Variants in ATP8A2 observed in about 807,000 individuals in gnomAD.
The protein encoded by ATP8A2 is ATPase phospholipid transporting 8A2.
ATP8A2 carries 100 observed loss-of-function variants against 165.6 expected under a neutral mutation model. The observed-to-expected ratio is 0.60, with a 90% CI of 0.51 to 0.71. The LOEUF (loss-of-function observed/expected upper bound fraction) is 0.71, where lower values mean the gene tolerates loss of function less well. ATP8A2 is among the 30% of genes least tolerant of loss of function. The pLI is 0.00. For missense variants in ATP8A2, 1,227 were observed against 1,479.5 expected, an observed-to-expected ratio of 0.83 and a Z score of 2.80; for synonymous variants, 543 against 548.8, an observed-to-expected ratio of 0.99 and a Z score of 0.15.
chr13:25,425,833 C>T (rs2034435776), intron 1 of ATP8A2, among the ~76,000 whole-genome samples: 1 of 152,248 alleles, frequency 6.6e-6, no homozygotes, highest in Non-Finnish European at 1.5e-5. Context: ...GCCTCCGCCT[C>T]CCAGAGTGCT....
chr13:25,567,891 G>T (rs1238554531), intron 16 of ATP8A2, among the ~76,000 whole-genome samples: 1 of 152,134 alleles, frequency 6.6e-6, no homozygotes, highest in Non-Finnish European at 1.5e-5. Context: ...TAAACACAGG[G>T]CCTATTAGAT....
chr13:25,940,284 C>T (rs79716536), intron 33 of ATP8A2, among the ~76,000 whole-genome samples: 1 of 152,164 alleles, frequency 6.6e-6, no homozygotes, highest in Non-Finnish European at 1.5e-5. Context: ...TCCCAGAGTC[C>T]TCTGCTGATG....
chr13:25,702,991 G>A (rs1478515032), intron 25 of ATP8A2, among the ~76,000 whole-genome samples: 2 of 152,216 alleles, frequency 1.3e-5, no homozygotes, highest in South Asian at 2.1e-4. Flanking sequence ...TCCATTTAAT[G>A]TGTCGGATGG....
chr13:25,424,760 C>T (rs140747425), intron 1 of ATP8A2, among the ~76,000 whole-genome samples: 54 of 152,222 alleles, frequency 3.5e-4, no homozygotes, highest in African/African-American at 1.2e-3. Flanking sequence ...GAGTTCAAGA[C>T]CAGCCTGGCC....
intron 1 of ATP8A2, among the ~76,000 whole-genome samples, chr13:25,401,680 C>T (rs2033641120): frequency 6.6e-6 from 1 of 151,920 alleles, no homozygotes; most frequent in African/African-American, 2.4e-5. Flanking sequence ...TCCAAGACAC[C>T]CAGTAGGTAC....
chr13:25,782,186 T>C (rs55830959), intron 27 of ATP8A2, among the ~76,000 whole-genome samples: 2,061 of 152,354 alleles, frequency 0.014, 40 homozygotes, highest in African/African-American at 0.045. Context: ...TCCTAATAGC[T>C]AAGCTTTCCT....
intron 35 of ATP8A2, among the ~76,000 whole-genome samples, chr13:25,980,945 A>G (rs776336724): frequency 1.3e-5 from 2 of 152,240 alleles, no homozygotes; most frequent in African/African-American, 2.4e-5. Flanking sequence ...CAAAATATTT[A>G]TTAGTATGAA....
intron 24 of ATP8A2, among the ~76,000 whole-genome samples, chr13:25,674,268 C>CCCCA (rs1317200110): frequency 7.9e-5 from 12 of 152,002 alleles, no homozygotes; most frequent in Non-Finnish European, 1.6e-4. Flanking sequence ...AGATGTGTCC[C>CCCCA]CCCCCGAAAA....
At chr13:25,989,135 CA>C (rs1216452145) in intron 35 of ATP8A2, among the ~76,000 whole-genome samples, 5 of 152,228 alleles carry the variant, frequency 3.3e-5, no homozygotes, top group Non-Finnish European at 7.3e-5. Flanking sequence ...ACAATTCAGT[CA>C]GGGGGTCCCT....
intron 24 of ATP8A2, among the ~76,000 whole-genome samples, chr13:25,681,425 C>T (rs1361404389): frequency 6.6e-6 from 1 of 152,198 alleles, no homozygotes; most frequent in South Asian, 2.1e-4. Flanking sequence ...TTTTTCCACA[C>T]TCTTCAGGAG....
chr13:25,828,318 A>T (rs1451389946), intron 28 of ATP8A2, 126 bp downstream of exon 28: 1 of 815,800 alleles, frequency 1.2e-6, no homozygotes, highest in African/African-American at 1.7e-5. Flanking sequence ...CAGCACAAAT[A>T]CATCTTTGGG....
intron 2 of ATP8A2, among the ~76,000 whole-genome samples, chr13:25,507,721 T>C (rs928831171): frequency 5.3e-5 from 8 of 152,196 alleles, no homozygotes; most frequent in Admixed American, 4.6e-4. Flanking sequence ...ACATATATAA[T>C]GAGGTTGGGG....
At chr13:25,558,859 G>A in intron 13 of ATP8A2, 114 bp from the exon 14 acceptor site, 1 of 633,028 alleles carries the variant, frequency 1.6e-6, no homozygotes, top group Non-Finnish European at 2.6e-6. Flanking sequence ...GCTTGCTTTA[G>A]GGAAATCTAC....
chr13:25,604,207 T>G (rs2040461057), intron 24 of ATP8A2, among the ~76,000 whole-genome samples: 1 of 152,272 alleles, frequency 6.6e-6, no homozygotes, highest in South Asian at 2.1e-4. Flanking sequence ...GGAAACCAAC[T>G]GGAACAAAGT....
chr13:25,467,579 G>A (rs1210425365), intron 1 of ATP8A2, among the ~76,000 whole-genome samples: 1 of 149,064 alleles, frequency 6.7e-6, no homozygotes, highest in Non-Finnish European at 1.5e-5. Flanking sequence ...TTTGAGACGA[G>A]TCTCCTTGTC....
intron 2 of ATP8A2, among the ~76,000 whole-genome samples, chr13:25,518,862 G>C (rs1042432029): frequency 6.6e-6 from 1 of 152,154 alleles, no homozygotes; most frequent in African/African-American, 2.4e-5. Context: ...CATGTAACAA[G>C]ATCCACCCCA....
intron 2 of ATP8A2, among the ~76,000 whole-genome samples, chr13:25,475,533 C>T (rs991333880): frequency 3.3e-5 from 5 of 152,182 alleles, no homozygotes; most frequent in African/African-American, 1.2e-4. Flanking sequence ...GGTGTATACC[C>T]AGTAATGGGA....
chr13:25,551,665 A>G (rs2038828716), intron 11 of ATP8A2, among the ~76,000 whole-genome samples, 162 bp downstream of exon 11: 1 of 152,218 alleles, frequency 6.6e-6, no homozygotes, highest in African/African-American at 2.4e-5. Flanking sequence ...GGATCATGTG[A>G]TGAAATGAAG....
intron 1 of ATP8A2, among the ~76,000 whole-genome samples, chr13:25,419,662 G>A (rs941378585): frequency 6.6e-6 from 1 of 152,092 alleles, no homozygotes; most frequent in African/African-American, 2.4e-5. Flanking sequence ...TAACCGTAAT[G>A]TTTTAGTACA....
Sources: gnomAD v4.1 joint callset for allele counts (sites outside exome capture counted in the v4.1 genomes callset) on GRCh38, gnomAD v4.1.1 for gene constraint, MANE v1.5 for transcripts, NCBI Gene and HGNC (gene_info 2026-07-23, HGNC 2026-07-21) for gene names.